The following LAMB3 variants were observed in gnomAD, a reference collection of about 807,000 sequenced individuals.
The protein encoded by LAMB3 is laminin subunit beta 3, also known as laminin subunit beta-3.
LAMB3 carries 104 observed loss-of-function variants against 140.3 expected under a neutral mutation model. That is an observed-to-expected ratio of 0.74 (90% CI 0.63 to 0.87). LAMB3 has a LOEUF of 0.87. Ranked by LOEUF, LAMB3 falls within the 40% of genes least tolerant of loss-of-function variation. The pLI, the probability that LAMB3 is intolerant of heterozygous loss-of-function variation, is 0.00. For missense variants in LAMB3, 1,531 were observed against 1,575.2 expected (o/e 0.97, Z 0.47); for synonymous variants, 592 against 602.9 (o/e 0.98, Z 0.26).
Position 209,617,886 on chromosome 1 carries a change from GAGGA to G in LAMB3, c.3051+17_3051+20del, listed in dbSNP as rs1173977817. ...TCCTGTTTATGCCCAAATATGGGCGGAGGAAGCCATAATGCCTCACCTCAGCAAC... is the reference window on the plus strand; with the variant it reads ...TCCTGTTTATGCCCAAATATGGGCGGAGCCATAATGCCTCACCTCAGCAAC... On this transcript the variant is annotated intron_variant, in intron 20 of 22. Coordinates refer to ENST00000356082, the MANE Select transcript of LAMB3 (RefSeq NM_000228.3). The G allele has an allele frequency of 1.2e-6, 2 of 1,614,054 alleles. No individual in the cohort carries two copies. Among genetic ancestry groups the G allele is most frequent in the African/African-American group, 2.7e-5 (2 of 74,918 alleles).
At chr1:209,633,201 C>T (rs549962580) in intron 6 of LAMB3, 68 bp from the exon 7 acceptor site, 2 of 1,177,048 alleles carry the variant, frequency 1.7e-6, no homozygotes, top group Admixed American at 1.7e-5. Flanking sequence ...TCAGAAGAAA[C>T]CTTTCTTTCC....
At position 209,626,947 on chromosome 1, in the gene LAMB3, A is replaced by C. The variant is rs754492217; in HGVS notation, c.1517T>G (p.Phe506Cys). 22 of 1,613,724 alleles carry C rather than the reference A, an allele frequency of 1.4e-5. No homozygotes were observed. The highest frequency in any genetic ancestry group is 1.8e-5 in the Non-Finnish European group (21 of 1,179,884). ...FTGQCPCREG[F>C]GGLMCSAAAI... Reference sequence around the variant, plus strand: ...TGCAGCGCTGCACATCAGGCCACCAAAGCCTTCCCGACAGGGGCACTGCCC... The same window carrying C: ...TGCAGCGCTGCACATCAGGCCACCACAGCCTTCCCGACAGGGGCACTGCCC... Residue 506 changes from phenylalanine (F) to cysteine (C), a missense_variant, in exon 13 of 23, where the codon TTT (phenylalanine) becomes TGT (cysteine). Coordinates refer to ENST00000356082, the MANE Select transcript of LAMB3 (RefSeq NM_000228.3).
At chr1:209,615,452 A>T in intron 22 of LAMB3, 45 bp from the exon 23 acceptor site, 1 of 1,541,782 alleles carries the variant, frequency 6.5e-7, no homozygotes, top group Non-Finnish European at 8.7e-7. Context: ...TGATGGTGAG[A>T]CTCCCCAAGA....
rs368834085 is a variant in LAMB3 at position 209,630,660 on chromosome 1, G to A, written c.898C>T (p.Arg300Trp). 3.0e-4 allele frequency: 492 copies of A among 1,614,098 alleles called. No individual in the cohort carries two copies. The highest frequency in any genetic ancestry group is 3.7e-4 in the Non-Finnish European group (439 of 1,180,020). ...TGGCCCTCCGCCGGTCTCCAGGGCC[G>A]GTTGTTGTAGAAGGGTGCACAGCGC... ...CERCAPFYNN[R>W]PWRPAEGQDA... Residue 300 changes from arginine to tryptophan, a missense_variant, in exon 9 of 23, where the codon CGG becomes TGG. Transcript: ENST00000356082.
At position 209,615,228 on chromosome 1, in the gene LAMB3, A is replaced by G; in HGVS notation, c.*43T>C. ...ACCCAATCTGCCCCCAACCAAAAGC[A>G]AAGGCGGCAGATGAGTGGGGCAACG... is the stretch of plus-strand genomic sequence containing the variant. On this transcript the variant is annotated 3_prime_UTR_variant, in exon 23 of 23. Transcript: ENST00000356082. 1.2e-6 allele frequency: 2 copies of G among 1,613,426 alleles called. No homozygotes were observed. Among genetic ancestry groups the G allele is most frequent in the Non-Finnish European group, 1.7e-6 (2 of 1,179,880 alleles).
chr1:209,630,231 A>C (rs575785068), intron 9 of LAMB3, among the ~76,000 whole-genome samples: 2 of 152,262 alleles, frequency 1.3e-5, no homozygotes, highest in African/African-American at 4.8e-5. Context: ...CCCACTGCCA[A>C]CACTGGTCTC....
intron 5 of LAMB3, among the ~76,000 whole-genome samples, chr1:209,636,912 A>T (rs1374030455): frequency 6.6e-6 from 1 of 152,248 alleles, no homozygotes. Context: ...GTATGGTGAA[A>T]GCAGCTTGAA....
At chr1:209,617,725 C>G (rs1666025030) in intron 20 of LAMB3, 139 bp from the exon 21 acceptor site, 4 of 1,225,572 alleles carry the variant, frequency 3.3e-6, no homozygotes, top group Non-Finnish European at 4.7e-6. Context: ...TCTCACCCCT[C>G]CTTCTGCATC....
chr1:209,640,061 G>T (rs994351684), intron 3 of LAMB3, among the ~76,000 whole-genome samples: 5 of 152,206 alleles, frequency 3.3e-5, no homozygotes, highest in Admixed American at 6.5e-5. Flanking sequence ...AAAGAGGGGA[G>T]CCAGGTGTCT....
At chr1:209,621,302 GT>G (rs1666183408) in intron 18 of LAMB3, among the ~76,000 whole-genome samples, 1 of 152,180 alleles carries the variant, frequency 6.6e-6, no homozygotes, top group African/African-American at 2.4e-5. Context: ...ATCCACGTTT[GT>G]GGGGCACAAT....
intron 6 of LAMB3, among the ~76,000 whole-genome samples, chr1:209,633,500 C>A (rs954822481): frequency 6.6e-6 from 1 of 151,970 alleles, no homozygotes; most frequent in Non-Finnish European, 1.5e-5. Flanking sequence ...CCCAAGGATG[C>A]GTGAATGTGG....
chr1:209,631,122 A>G (rs944654829), intron 8 of LAMB3, among the ~76,000 whole-genome samples: 1 of 152,178 alleles, frequency 6.6e-6, no homozygotes, highest in Non-Finnish European at 1.5e-5. Context: ...TATTCCAACA[A>G]TCTATGAATA....
rs1259351897 is a variant in LAMB3, at chr1:209,616,392, GGGCTTCAGAA to G, written c.3382+69_3382+78del. 7.9e-6 allele frequency: 12 copies of G among 1,523,246 alleles called. No individual in the cohort carries two copies. The African/African-American group carries it at 1.6e-4, about 21-fold the overall frequency. 94.4% of individuals were successfully genotyped at this position (1,523,246 alleles called of 1,614,324 possible). A position where few individuals can be genotyped will look rare whatever the true frequency, so the allele number is the denominator to read the frequency against. ...TAGCACGGCTAGCTCCAATAAGAAC[GGGCTTCAGAA>G]GCCTTGGGTTGGGTGGGACCAGCCT... On this transcript the variant is annotated intron_variant, in intron 22 of 22. Coordinates refer to ENST00000356082, the MANE Select transcript of LAMB3 (RefSeq NM_000228.3).
chr1:209,627,862 G>T (rs888608532), intron 11 of LAMB3, among the ~76,000 whole-genome samples, 173 bp downstream of exon 11: 11 of 152,224 alleles, frequency 7.2e-5, no homozygotes, highest in Admixed American at 6.5e-5. Context: ...AGCATCTGGC[G>T]CTGGGTAAGA....
intron 14 of LAMB3, among the ~76,000 whole-genome samples, chr1:209,624,324 T>C (rs1159608597): frequency 1.3e-5 from 2 of 152,196 alleles, no homozygotes; most frequent in Admixed American, 6.5e-5. Flanking sequence ...TCCTTCGCTC[T>C]CTATGGGCTG....
intron 1 of LAMB3, among the ~76,000 whole-genome samples, chr1:209,651,711 C>T (rs903610756): frequency 3.9e-5 from 6 of 152,118 alleles, no homozygotes; most frequent in Non-Finnish European, 4.4e-5. Flanking sequence ...GAAGGATGCT[C>T]GAAAGCCACC....
intron 4 of LAMB3, among the ~76,000 whole-genome samples, chr1:209,638,244 A>G (rs1425946103): frequency 1.3e-5 from 2 of 152,210 alleles, no homozygotes; most frequent in African/African-American, 4.8e-5. Context: ...TCTGTTCCAC[A>G]CAGACTTGTT....
intron 17 of LAMB3, 76 bp downstream of exon 17, chr1:209,622,906 G>T: frequency 6.5e-7 from 1 of 1,534,672 alleles, no homozygotes; most frequent in South Asian, 1.1e-5. Context: ...TGTAAAATGG[G>T]AACTCTGACT....
chr1:209,633,562 CA>C (rs753607815), intron 6 of LAMB3, among the ~76,000 whole-genome samples: 2,228 of 140,462 alleles, frequency 0.016, 55 homozygotes, highest in African/African-American at 0.05. Context: ...TTGATTTATT[CA>C]AAAAAAAAAA....
Sources: allele counts gnomAD v4.1 joint callset (sites outside exome capture counted in the v4.1 genomes callset), GRCh38; gene constraint gnomAD v4.1.1; transcripts MANE v1.5; gene names NCBI Gene and HGNC (gene_info 2026-07-23, HGNC 2026-07-21).